Variants in HORMAD2 observed in about 807,000 individuals in gnomAD.
The protein encoded by HORMAD2 is HORMA domain containing 2, also known as HORMA domain-containing protein 2.
In HORMAD2, 45 loss-of-function variants were observed where a neutral mutation model predicts 38.8. The ratio of observed to expected loss-of-function variants is 1.16; its 90% CI spans 0.91 to 1.49. HORMAD2 has a LOEUF of 1.49. HORMAD2 is among the 40% of genes most tolerant of loss of function. The probability of loss-of-function intolerance (pLI) is 0.00; values close to 1 mark genes in which losing one functional copy is unlikely to be tolerated. For synonymous variants in HORMAD2, 126 were observed against 122.8 expected (o/e 1.03, Z -0.17); for missense variants, 338 against 367.0 (o/e 0.92, Z 0.65).
At chr22:30,184,415 T>G in the HORMAD2 span, among the ~76,000 whole-genome samples, 76 of 152,292 alleles carry the variant, frequency 5.0e-4, no homozygotes, top group Admixed American at 1.4e-3. Context: ...ATAATGAAAC[T>G]TTTCACTCAC....
chr22:30,121,508 A>C (rs964401466), intron 8 of HORMAD2, 124 bp from the exon 9 acceptor site: 2 of 744,260 alleles, frequency 2.7e-6, no homozygotes, highest in Non-Finnish European at 3.9e-6. Flanking sequence ...TTACATTCTA[A>C]AAAAGTCTCA....
chr22:30,184,048 C>T, the HORMAD2 span, among the ~76,000 whole-genome samples: 1 of 152,176 alleles, frequency 6.6e-6, no homozygotes, highest in Admixed American at 6.5e-5. Context: ...ATCTGTGGGT[C>T]CCAGAATATG....
chr22:30,148,180 T>C (rs899632037), intron 10 of HORMAD2, among the ~76,000 whole-genome samples: 3 of 152,152 alleles, frequency 2.0e-5, no homozygotes, highest in Non-Finnish European at 4.4e-5. Flanking sequence ...AAACAAATGA[T>C]ACATGCAAAA....
At chr22:30,206,999 A>G in the HORMAD2 span, 1 of 462,118 alleles carries the variant, frequency 2.2e-6, no homozygotes. Flanking sequence ...TTCGGCAGAG[A>G]CAGAGCCCCA....
At chr22:30,126,840 T>G (rs1922902663) in intron 10 of HORMAD2, among the ~76,000 whole-genome samples, 1 of 152,228 alleles carries the variant, frequency 6.6e-6, no homozygotes, top group Non-Finnish European at 1.5e-5. Flanking sequence ...ACATCCTCAC[T>G]AACCCTTGGC....
intron 10 of HORMAD2, among the ~76,000 whole-genome samples, chr22:30,126,313 C>T (rs1325516429): frequency 1.3e-5 from 2 of 152,106 alleles, no homozygotes; most frequent in Admixed American, 6.5e-5. Flanking sequence ...GGACTACAGG[C>T]GCCCGCCACC....
intron 4 of HORMAD2, among the ~76,000 whole-genome samples, 161 bp downstream of exon 4, chr22:30,103,661 T>C (rs1920987331): frequency 9.1e-6 from 1 of 109,666 alleles, no homozygotes; most frequent in Non-Finnish European, 1.8e-5. Context: ...TTTTTTTTTT[T>C]TTTTTTTTTT....
chr22:30,118,854 G>A (rs1922233839), intron 7 of HORMAD2, 126 bp from the exon 8 acceptor site: 1 of 653,628 alleles, frequency 1.5e-6, no homozygotes, highest in African/African-American at 1.9e-5. Context: ...GTGATACTGT[G>A]AAACAAACAG....
chr22:30,137,376 A>G (rs761307143), intron 10 of HORMAD2: 34 of 482,644 alleles, frequency 7.0e-5, no homozygotes, highest in African/African-American at 1.2e-4. Flanking sequence ...CATCATACCA[A>G]TCTTTCTTAG....
At chr22:30,095,961 G>A (rs1249493134) in intron 2 of HORMAD2, among the ~76,000 whole-genome samples, 1 of 151,992 alleles carries the variant, frequency 6.6e-6, no homozygotes, top group Non-Finnish European at 1.5e-5. Context: ...TCCCCACCAA[G>A]AGAAACCACC....
chr22:30,125,526 C>A (rs1490445158), intron 10 of HORMAD2, among the ~76,000 whole-genome samples: 1 of 152,064 alleles, frequency 6.6e-6, no homozygotes, highest in Non-Finnish European at 1.5e-5. Context: ...CTGTGCCTGG[C>A]TCATCTTTCA....
rs539454315 is a variant in HORMAD2 at position 30,084,704 on chromosome 22, G to A, written c.-38+4213G>A. 6.2e-4 allele frequency among the ~76,000 whole-genome samples: 94 copies of A among 151,834 alleles called. 1 individual carries two copies. Among genetic ancestry groups the A allele is most frequent in the African/African-American group, 2.2e-3 (91 of 41,412 alleles). On this transcript the variant is annotated intron_variant, in intron 1 of 10. Transcript: ENST00000336726. ...GGGCTTCACCATGTTGGCCAGGCTG[G>A]TCTTGAACTGCTGACCTCAAGTGAT...
chr22:30,140,499 C>A (rs895440036), intron 10 of HORMAD2, among the ~76,000 whole-genome samples: 1 of 152,066 alleles, frequency 6.6e-6, no homozygotes, highest in African/African-American at 2.4e-5. Context: ...TCAATTTCTT[C>A]TTGAGTCAGT....
chr22:30,151,367 CAT>C (rs1283288802), intron 10 of HORMAD2, among the ~76,000 whole-genome samples: 4 of 152,118 alleles, frequency 2.6e-5, no homozygotes, highest in South Asian at 2.1e-4. Flanking sequence ...TTTATAAAAA[CAT>C]AAATATGTCA....
intron 10 of HORMAD2, among the ~76,000 whole-genome samples, chr22:30,143,461 T>C (rs1405995473): frequency 6.6e-6 from 1 of 152,190 alleles, no homozygotes. Context: ...GCTGACAGTT[T>C]TTTTTTCCTT....
At chr22:30,103,642 GTTTTTGATTTTTTTTT>G in intron 4 of HORMAD2, 142 bp downstream of exon 4, 1 of 98,230 alleles carries the variant, frequency 1.0e-5, no homozygotes. Context: ...TTCTTTTTCT[GTTTTTGATTTTTTTTT>G]TTTTTTTTTT....
intron 10 of HORMAD2, among the ~76,000 whole-genome samples, chr22:30,124,188 C>T (rs929575897): frequency 1.3e-5 from 2 of 151,040 alleles, no homozygotes; most frequent in Non-Finnish European, 2.9e-5. Flanking sequence ...TTTAGTAAGT[C>T]TAGTAAAGTG....
chr22:30,140,624 A>G (rs1168974107), intron 10 of HORMAD2, among the ~76,000 whole-genome samples: 1 of 152,204 alleles, frequency 6.6e-6, no homozygotes, highest in Admixed American at 6.5e-5. Flanking sequence ...TAAGGTCAGC[A>G]GTAATATCTG....
intron 5 of HORMAD2, 36 bp downstream of exon 5, chr22:30,104,473 G>T: frequency 6.5e-7 from 1 of 1,536,576 alleles, no homozygotes. Flanking sequence ...GGAATCAAAG[G>T]CTTGTCTTTT....
Sources: allele counts gnomAD v4.1 joint callset (sites outside exome capture counted in the v4.1 genomes callset), GRCh38; gene constraint gnomAD v4.1.1; transcripts MANE v1.5; gene names NCBI Gene and HGNC (gene_info 2026-07-23, HGNC 2026-07-21).